The following HEMK1 variants were observed in gnomAD, a reference collection of about 807,000 sequenced individuals.
HEMK1 encodes the protein HemK methyltransferase 1, mitochondrial release factors N(5)-glutamine.
Under a neutral mutation model 47.9 loss-of-function variants are expected in HEMK1, and 36 were observed. The ratio of observed to expected loss-of-function variants is 0.75; its 90% CI spans 0.58 to 0.99. The LOEUF (loss-of-function observed/expected upper bound fraction) is 0.99, where lower values mean the gene tolerates loss of function less well. HEMK1 is among the 50% of genes least tolerant of loss of function. The probability of loss-of-function intolerance (pLI) is 0.00; values close to 1 mark genes in which losing one functional copy is unlikely to be tolerated. For missense variants in HEMK1, 383 were observed against 434.5 expected (o/e 0.88, Z 1.05); for synonymous variants, 153 against 165.4 (o/e 0.93, Z 0.57).
At chr3:50,576,932 A>G in intron 4 of HEMK1, 120 bp from the exon 5 acceptor site, 1 of 1,197,610 alleles carries the variant, frequency 8.3e-7, no homozygotes, top group Non-Finnish European at 1.2e-6. Context: ...CATGAAGGTC[A>G]GTCTGGCTTT....
chr3:50,577,192 C>A lies in HEMK1; in HGVS notation c.549+6C>A, dbSNP rs747314666. 1.9e-6 allele frequency: 3 copies of A among 1,606,522 alleles called. No homozygotes were observed. In the South Asian group the frequency reaches 3.3e-5, roughly 18 times the overall value. ...TGCTGAGCCAGCTCCCCCAGGTGAG[C>A]CCCTCCACCCACTCTGGATAGACTG... On this transcript the variant is annotated splice_donor_region_variant and intron_variant, in intron 5 of 10. Coordinates refer to ENST00000232854, the MANE Select transcript of HEMK1 (RefSeq NM_016173.5).
chr3:50,585,345 G>C lies in HEMK1; in HGVS notation c.*4928G>C, dbSNP rs573392273. The stretch of plus-strand genomic sequence containing the variant: ...CCCCTGACTTTGAGCTAATGGGCCT[G>C]GCCCCTCCATGTAAGCCATAGGCCT... On this transcript the variant is annotated 3_prime_UTR_variant, in exon 11 of 11. Transcript: ENST00000232854. 1 of 152,442 alleles carries C rather than the reference G, an allele frequency of 6.6e-6. No homozygotes were observed. The highest frequency in any genetic ancestry group is 1.9e-4 in the East Asian group (1 of 5,186). 9.4% of individuals were successfully genotyped at this position (152,442 alleles called of 1,614,324 possible).
At chr3:50,580,356 C>T in intron 10 of HEMK1, 25 bp from the exon 11 acceptor site, 2 of 1,614,086 alleles carry the variant, frequency 1.2e-6, no homozygotes, top group Non-Finnish European at 1.7e-6. Flanking sequence ...CAGGTGGTAA[C>T]CAGCCCCTGT....
chr3:50,577,278 T>C, intron 5 of HEMK1, 92 bp downstream of exon 5: 1 of 1,450,426 alleles, frequency 6.9e-7, no homozygotes, highest in Middle Eastern at 2.5e-4. Context: ...CTAGGAGCGC[T>C]TGAGGGGAAG....
chr3:50,577,168 G>A lies in HEMK1; in HGVS notation c.531G>A (p.Leu177=), dbSNP rs758793167. The A allele has an allele frequency of 1.9e-6, 3 of 1,610,376 alleles. No homozygotes were observed. In the Admixed American group the frequency reaches 5.1e-5, roughly 27 times the overall value. Residue 177 remains leucine, a synonymous_variant, in exon 5 of 11, where the codon CTG becomes CTA. Transcript: ENST00000232854. ...GCGSGAISLS[L]LSQLPQSRVI... is the part of the protein sequence containing the mutation. ...GATCAGGAGCCATCTCCCTCAGCCTGCTGAGCCAGCTCCCCCAGGTGAGCC... is the reference window on the plus strand; with the variant it reads ...GATCAGGAGCCATCTCCCTCAGCCTACTGAGCCAGCTCCCCCAGGTGAGCC...
Position 50,580,703 on chromosome 3 carries a change from T to C in HEMK1, c.*286T>C, listed in dbSNP as rs1305209829. 1 of 497,082 alleles carries C rather than the reference T, an allele frequency of 2.0e-6. No individual in the cohort carries two copies. The highest frequency in any genetic ancestry group is 2.0e-5 in the African/African-American group (1 of 51,108). 30.8% of individuals were successfully genotyped at this position (497,082 alleles called of 1,614,324 possible). On this transcript the variant is annotated 3_prime_UTR_variant, in exon 11 of 11. Transcript: ENST00000232854. ...GGTGACCTAATGTTTTGTCCATGAC[T>C]TGCAGGTCCCCTGACCCCCTTACTC...
intron 5 of HEMK1, 147 bp from the exon 6 acceptor site, chr3:50,577,362 C>G (rs1701696984): frequency 2.7e-6 from 3 of 1,111,458 alleles, no homozygotes; most frequent in Non-Finnish European, 4.1e-6. Context: ...CCACATCTAT[C>G]TGGCTAGACT....
intron 4 of HEMK1, 126 bp downstream of exon 4, chr3:50,572,334 A>G (rs576613563): frequency 1.1e-6 from 1 of 913,060 alleles, no homozygotes; most frequent in African/African-American, 1.6e-5. Flanking sequence ...CTTTCTAGAC[A>G]TGTATTTCCT....
Position 50,580,114 on chromosome 3 carries a change from A to G in HEMK1, c.867-2A>G, listed in dbSNP as rs778705156. On this transcript the variant is annotated splice_acceptor_variant, in intron 9 of 10. Coordinates refer to ENST00000232854, the MANE Select transcript of HEMK1 (RefSeq NM_016173.5). LOFTEE classifies it high-confidence loss of function. ...GAGCCCACCCATTTCTCCCCCATGT[A>G]GTAGTATCTTCTTAGAAGTGGACCC... is the stretch of plus-strand genomic sequence containing the variant. 9.9e-6 allele frequency: 16 copies of G among 1,611,900 alleles called. No individual in the cohort carries two copies. The highest frequency in any genetic ancestry group is 1.3e-5 in the African/African-American group (1 of 74,856).
chr3:50,577,815 T>C lies in HEMK1; in HGVS notation c.615-11T>C. ...GCCCCCGTGCCTACCCCTTTCTCCC[T>C]GTCTGTGTAGGCTTCGGTTGCAGGA... On this transcript the variant is annotated splice_polypyrimidine_tract_variant and intron_variant, in intron 6 of 10. Transcript: ENST00000232854. 6.2e-7 allele frequency: 1 copy of C among 1,614,088 alleles called. No individual in the cohort carries two copies. The highest frequency in any genetic ancestry group is 1.1e-5 in the South Asian group (1 of 91,072).
chr3:50,577,646 T>A, intron 6 of HEMK1, 73 bp downstream of exon 6: 1 of 1,505,236 alleles, frequency 6.6e-7, no homozygotes, highest in South Asian at 1.1e-5. Flanking sequence ...AATGTCTGAT[T>A]TCTACTCCCA....
At position 50,592,758 on chromosome 3, in the gene HEMK1, C is replaced by G. The variant is rs561773852; in HGVS notation, c.*12341C>G. The G allele has an allele frequency of 6.6e-6, 1 of 152,454 alleles. No homozygotes were observed. The highest frequency in any genetic ancestry group is 1.5e-5 in the Non-Finnish European group (1 of 68,158). The allele number at this position is 152,454 out of a possible 1,614,324, so 9.4% of individuals were successfully genotyped here. ...GAGTCACCACCTGCCCCCAACCCTA[C>G]TTCTCCTCCGAAGGCCCAACAAGGT... On this transcript the variant is annotated 3_prime_UTR_variant, in exon 11 of 11. Coordinates refer to ENST00000232854, the MANE Select transcript of HEMK1 (RefSeq NM_016173.5).
At chr3:50,577,926 G>T (rs2029980660) in intron 7 of HEMK1, 51 bp downstream of exon 7, 1 of 1,564,524 alleles carries the variant, frequency 6.4e-7, no homozygotes, top group African/African-American at 1.4e-5. Flanking sequence ...TGCAGGTGCT[G>T]CTGGGTGGAT....
intron 1 of HEMK1, chr3:50,570,406 A>T (rs912393021): frequency 6.6e-6 from 1 of 152,266 alleles, no homozygotes; most frequent in African/African-American, 2.4e-5. Flanking sequence ...TTCAGCATGT[A>T]CATCCATGAC....
intron 4 of HEMK1, among the ~76,000 whole-genome samples, chr3:50,576,171 T>C (rs1466159797): frequency 6.6e-6 from 1 of 152,188 alleles, no homozygotes; most frequent in Non-Finnish European, 1.5e-5. Flanking sequence ...CCCTTTGGCC[T>C]AGGAGCCTCC....
At chr3:50,577,680 C>G in intron 6 of HEMK1, 107 bp downstream of exon 6, 1 of 1,381,964 alleles carries the variant, frequency 7.2e-7, no homozygotes, top group Non-Finnish European at 1.0e-6. Context: ...AGTGGGGTAG[C>G]CTGGCATGGG....
In HEMK1 at chr3:50,580,490, GC is replaced by G; in HGVS notation, c.*76del. ...GGGGAGGTGGATGGCACTTTCCAGA[GC>G]CCAGGTTCTTATGGCATTTCCCAGG... is the stretch of plus-strand genomic sequence containing the variant. On this transcript the variant is annotated 3_prime_UTR_variant, in exon 11 of 11. Transcript: ENST00000232854. The G allele has an allele frequency of 6.8e-7, 1 of 1,462,268 alleles. No individual in the cohort carries two copies. The highest frequency in any genetic ancestry group is 1.4e-5 in the African/African-American group (1 of 71,536). The allele number at this position is 1,462,268 out of a possible 1,614,324, so 90.6% of individuals were successfully genotyped here.
Position 50,571,017 on chromosome 3 carries a change from G to T in HEMK1, c.-88G>T. On this transcript the variant is annotated 5_prime_UTR_variant, in exon 2 of 11. Transcript: ENST00000232854. Reference sequence around the variant, plus strand: ...TCCATCTCCACCCAGCTGGGTCCAGGGGCCACTCTCAGCACTCACCTCAGC... The same window carrying T: ...TCCATCTCCACCCAGCTGGGTCCAGTGGCCACTCTCAGCACTCACCTCAGC... 1 of 1,018,986 alleles carries T rather than the reference G, an allele frequency of 9.8e-7. No individual in the cohort carries two copies. The highest frequency in any genetic ancestry group is 1.4e-6 in the Non-Finnish European group (1 of 698,464). 63.1% of individuals were successfully genotyped at this position (1,018,986 alleles called of 1,614,324 possible).
rs2031845382 is a variant in HEMK1, at chr3:50,593,917, G to T, written c.*13500G>T. On this transcript the variant is annotated 3_prime_UTR_variant, in exon 11 of 11. Coordinates refer to ENST00000232854, the MANE Select transcript of HEMK1 (RefSeq NM_016173.5). Reference sequence around the variant, plus strand: ...TTTTTTTGTATTTTCAGTAGAGACGGGGTTTTGCCATGTTGGCCAGGCTGG... The same window carrying T: ...TTTTTTTGTATTTTCAGTAGAGACGTGGTTTTGCCATGTTGGCCAGGCTGG... 1 of 151,954 alleles carries T rather than the reference G, an allele frequency of 6.6e-6. No individual in the cohort carries two copies. The highest frequency in any genetic ancestry group is 2.4e-5 in the African/African-American group (1 of 41,364). The allele number at this position is 151,954 out of a possible 1,614,324, so 9.4% of individuals were successfully genotyped here. A position where few individuals can be genotyped will look rare whatever the true frequency, so the allele number is the denominator to read the frequency against.
Sources: allele counts gnomAD v4.1 joint callset (sites outside exome capture counted in the v4.1 genomes callset), GRCh38; gene constraint gnomAD v4.1.1; transcripts MANE v1.5; gene names NCBI Gene and HGNC (gene_info 2026-07-23, HGNC 2026-07-21).